Variants in CDX1 observed in about 807,000 individuals in gnomAD.
The protein encoded by CDX1 is caudal type homeobox 1.
A neutral mutation model predicts 16.9 loss-of-function variants in CDX1; 9 were observed. The observed-to-expected ratio is 0.53, with a 90% CI of 0.32 to 0.93. CDX1 has a LOEUF of 0.93. CDX1 is among the 40% of genes least tolerant of loss of function. CDX1 has a pLI of 0.04. For synonymous variants in CDX1, 179 were observed against 179.0 expected, an observed-to-expected ratio of 1.00 and a Z score of 0.00; for missense variants, 393 against 386.1, an observed-to-expected ratio of 1.02 and a Z score of -0.15.
chr5:150,170,008 T>C (rs1239607210), intron 1 of CDX1, among the ~76,000 whole-genome samples: 1 of 152,188 alleles, frequency 6.6e-6, no homozygotes, highest in Non-Finnish European at 1.5e-5. Context: ...CTTCCTGAGG[T>C]CTACAAGACT....
Position 150,183,870 on chromosome 5 carries a change from C to T in CDX1, c.*190C>T, listed in dbSNP as rs574983359. The stretch of plus-strand genomic sequence containing the variant: ...AGCCTGTTGGATAAAGACCTTCCAG[C>T]TCCTGTGTTCTAGACCTCTGGGGGA... On this transcript the variant is annotated 3_prime_UTR_variant, in exon 3 of 3. Transcript: ENST00000231656. The T allele has an allele frequency of 5.9e-5, 26 of 441,360 alleles. No homozygotes were observed. Among genetic ancestry groups the T allele is most frequent in the Non-Finnish European group, 9.7e-5 (24 of 247,968 alleles). 27.3% of individuals were successfully genotyped at this position (441,360 alleles called of 1,614,324 possible).
chr5:150,167,232 C>G lies in CDX1; in HGVS notation c.356C>G (p.Pro119Arg). The change falls in exon 1 of 3, where the codon CCG (proline) becomes CGG (arginine). Residue 119 changes from proline (P) to arginine (R), a missense_variant. Coordinates refer to ENST00000231656, the MANE Select transcript of CDX1 (RefSeq NM_001804.3). ...PGLLAQPLGGPGTPSSPGAQR... is the reference protein window; with the variant it reads ...PGLLAQPLGGRGTPSSPGAQR... ...CTCCTGGCGCAGCCCCTCGGGGGCCCGGGCACACCGTCCTCGCCCGGAGCG... is the reference window on the plus strand; with the variant it reads ...CTCCTGGCGCAGCCCCTCGGGGGCCGGGGCACACCGTCCTCGCCCGGAGCG... The G allele has an allele frequency of 7.9e-7, 1 of 1,261,476 alleles. No individual in the cohort carries two copies. Among genetic ancestry groups the G allele is most frequent in the Non-Finnish European group, 9.9e-7 (1 of 1,008,638 alleles). 78.1% of individuals were successfully genotyped at this position (1,261,476 alleles called of 1,614,324 possible).
intron 1 of CDX1, among the ~76,000 whole-genome samples, chr5:150,181,112 C>T (rs954251664): frequency 5.3e-5 from 8 of 152,196 alleles, no homozygotes; most frequent in Admixed American, 2.0e-4. Context: ...TCTCCTGTCC[C>T]GTCCCCCTTC....
In CDX1 at chr5:150,179,837, C is replaced by T. The variant is rs566747805; in HGVS notation, c.446-2931C>T. ...ATGGAGGGGTGGTCTGCTATTTAAG[C>T]TTCTGTTACCAACACTTTGGGGGCT... On this transcript the variant is annotated intron_variant, in intron 1 of 2. Coordinates refer to ENST00000231656, the MANE Select transcript of CDX1 (RefSeq NM_001804.3). 4.8e-4 allele frequency among the ~76,000 whole-genome samples: 73 copies of T among 152,366 alleles called. 1 individual carries two copies. In the Middle Eastern group the frequency reaches 0.01, roughly 21 times the overall value.
At chr5:150,181,497 G>A (rs1178880165) in intron 1 of CDX1, among the ~76,000 whole-genome samples, 1 of 152,068 alleles carries the variant, frequency 6.6e-6, no homozygotes, top group Non-Finnish European at 1.5e-5. Context: ...GGCTGGTCTT[G>A]AACCCCTGAC....
chr5:150,182,974 C>T (rs951547782), intron 2 of CDX1, 61 bp downstream of exon 2: 44 of 1,532,782 alleles, frequency 2.9e-5, no homozygotes, highest in Non-Finnish European at 3.6e-5. Flanking sequence ...CTCCAGGCTG[C>T]CAGGCAGAGT....
At chr5:150,182,696 G>T in intron 1 of CDX1, 72 bp from the exon 2 acceptor site, 2 of 1,443,546 alleles carry the variant, frequency 1.4e-6, no homozygotes, top group South Asian at 1.4e-5. Flanking sequence ...CCTCCTGGGG[G>T]TCCTGCCTGG....
intron 1 of CDX1, among the ~76,000 whole-genome samples, chr5:150,172,379 T>C (rs1761518972): frequency 6.6e-6 from 1 of 152,118 alleles, no homozygotes; most frequent in African/African-American, 2.4e-5. Context: ...TTTGCATGGG[T>C]GATCTCACTT....
intron 2 of CDX1, 147 bp from the exon 3 acceptor site, chr5:150,183,327 G>T: frequency 1.5e-6 from 1 of 661,296 alleles, no homozygotes. Flanking sequence ...TGAATTCAGG[G>T]TCCATGTGGT....
intron 1 of CDX1, among the ~76,000 whole-genome samples, chr5:150,168,771 T>A (rs1761465481): frequency 6.6e-6 from 1 of 152,236 alleles, no homozygotes; most frequent in South Asian, 2.1e-4. Context: ...AAATCAGTCA[T>A]CTTTTCTGGG....
At chr5:150,179,233 T>A (rs1459837352) in intron 1 of CDX1, among the ~76,000 whole-genome samples, 1 of 152,198 alleles carries the variant, frequency 6.6e-6, no homozygotes, top group Non-Finnish European at 1.5e-5. Context: ...CAGAGCCATT[T>A]TCTTGCACGA....
In CDX1 at chr5:150,167,071, C is replaced by T; in HGVS notation, c.195C>T (p.Phe65=). The T allele has an allele frequency of 7.1e-7, 1 of 1,415,340 alleles. No homozygotes were observed. Among genetic ancestry groups the T allele is most frequent in the South Asian group, 1.5e-5 (1 of 67,188 alleles). 87.7% of individuals were successfully genotyped at this position (1,415,340 alleles called of 1,614,324 possible). The change falls in exon 1 of 3, where the codon TTC becomes TTT. Residue 65 remains phenylalanine, a synonymous_variant. Transcript: ENST00000231656. Reference sequence around the variant, plus strand: ...CCCCGACGGCCTGGGGGGCGCCCTTCCCTGCGCCCAAGGACGACTGGGCCG... The same window carrying T: ...CCCCGACGGCCTGGGGGGCGCCCTTTCCTGCGCCCAAGGACGACTGGGCCG... The part of the protein sequence containing the change: ...PAPPTAWGAP[F]PAPKDDWAAA...
In CDX1 at chr5:150,167,176, G is replaced by A. The variant is rs903089600; in HGVS notation, c.300G>A (p.Pro100=). 9.4e-6 allele frequency: 12 copies of A among 1,276,348 alleles called. No individual in the cohort carries two copies. Among genetic ancestry groups the A allele is most frequent in the Non-Finnish European group, 1.2e-5 (12 of 1,016,956 alleles). 79.1% of individuals were successfully genotyped at this position (1,276,348 alleles called of 1,614,324 possible). Residue 100 remains proline, a synonymous_variant, in exon 1 of 3, where the codon CCG becomes CCA. Coordinates refer to ENST00000231656, the MANE Select transcript of CDX1 (RefSeq NM_001804.3). The part of the protein sequence containing the change: ...LAFGPPPDFS[P]VPAPPGPGPG... ...TCGGGCCCCCTCCAGACTTTAGCCCGGTGCCGGCGCCCCCTGGGCCCGGCC... is the reference window on the plus strand; with the variant it reads ...TCGGGCCCCCTCCAGACTTTAGCCCAGTGCCGGCGCCCCCTGGGCCCGGCC...
intron 1 of CDX1, 48 bp downstream of exon 1, chr5:150,167,369 G>C (rs111974998): frequency 8.2e-6 from 10 of 1,214,238 alleles, no homozygotes; most frequent in Non-Finnish European, 9.3e-6. Flanking sequence ...CAGGTGCTCG[G>C]GCGCGGCCCA....
At chr5:150,173,423 A>G (rs1761531686) in intron 1 of CDX1, among the ~76,000 whole-genome samples, 1 of 152,082 alleles carries the variant, frequency 6.6e-6, no homozygotes, top group Non-Finnish European at 1.5e-5. Context: ...TTCCCTGTTC[A>G]TGACATGGAA....
At chr5:150,182,365 C>CTG (rs147177279) in intron 1 of CDX1, among the ~76,000 whole-genome samples, 2,579 of 152,368 alleles carry the variant, frequency 0.017, 32 homozygotes, top group African/African-American at 0.035. Context: ...AACCTGTGTT[C>CTG]TTCACAAGCT....
chr5:150,183,771 A>AGC lies in CDX1; in HGVS notation c.*92_*93dup. On this transcript the variant is annotated 3_prime_UTR_variant, in exon 3 of 3. Coordinates refer to ENST00000231656, the MANE Select transcript of CDX1 (RefSeq NM_001804.3). ...GCCCAGGAGGTCTGGTCCGAGTCTC[A>AGC]GCCCTGACCTTCTGGGACATGGTGG... The AGC allele has an allele frequency of 1.9e-6, 2 of 1,060,066 alleles. No homozygotes were observed. Among genetic ancestry groups the AGC allele is most frequent in the Non-Finnish European group, 2.6e-6 (2 of 755,094 alleles). 65.7% of individuals were successfully genotyped at this position (1,060,066 alleles called of 1,614,324 possible).
chr5:150,166,835 C>A lies in CDX1; in HGVS notation c.-42C>A. The A allele has an allele frequency of 7.4e-7, 1 of 1,344,724 alleles. No homozygotes were observed. Among genetic ancestry groups the A allele is most frequent in the South Asian group, 1.7e-5 (1 of 58,602 alleles). 83.3% of individuals were successfully genotyped at this position (1,344,724 alleles called of 1,614,324 possible). ...TCGTCGTCGGGGCGGCCGGCAGCGG[C>A]GGCTCCAGGGCCCAGCATGCGCGGG... On this transcript the variant is annotated 5_prime_UTR_variant, in exon 1 of 3. Coordinates refer to ENST00000231656, the MANE Select transcript of CDX1 (RefSeq NM_001804.3).
At chr5:150,177,828 A>G (rs989501774) in intron 1 of CDX1, among the ~76,000 whole-genome samples, 1 of 152,134 alleles carries the variant, frequency 6.6e-6, no homozygotes, top group African/African-American at 2.4e-5. Context: ...TTTTAATGAC[A>G]TCCAGGAGCT....
Sources: gnomAD v4.1 joint callset for allele counts (sites outside exome capture counted in the v4.1 genomes callset) on GRCh38, gnomAD v4.1.1 for gene constraint, MANE v1.5 for transcripts, NCBI Gene and HGNC (gene_info 2026-07-23, HGNC 2026-07-21) for gene names.